Variants in ANKS1B observed in about 807,000 individuals in gnomAD.
ANKS1B encodes ankyrin repeat and sterile alpha motif domain containing 1B.
Under a neutral mutation model 148.3 loss-of-function variants are expected in ANKS1B, and 36 were observed. The ratio of observed to expected loss-of-function variants is 0.24; its 90% CI spans 0.19 to 0.32. The LOEUF (loss-of-function observed/expected upper bound fraction) is 0.32. Among genes scored for constraint, ANKS1B ranks in the 10% least tolerant of loss-of-function variants. The probability of loss-of-function intolerance (pLI) is 1.00; values close to 1 mark genes in which losing one functional copy is unlikely to be tolerated. For missense variants in ANKS1B, 1,157 were observed against 1,542.6 expected (o/e 0.75, Z 4.19); for synonymous variants, 542 against 560.8 (o/e 0.97, Z 0.47).
chr12:99,621,129 T>G (rs1181625424), intron 9 of ANKS1B, among the ~76,000 whole-genome samples: 1 of 152,088 alleles, frequency 6.6e-6, no homozygotes, highest in Non-Finnish European at 1.5e-5. Context: ...CAACCAAGAA[T>G]TTAATATCCT....
intron 17 of ANKS1B, among the ~76,000 whole-genome samples, chr12:98,890,732 G>A (rs924438993): frequency 3.3e-5 from 5 of 152,156 alleles, no homozygotes; most frequent in Admixed American, 6.5e-5. Flanking sequence ...CTTTGAAAAT[G>A]ACTGAATGCT....
chr12:99,587,397 C>T (rs781436145), intron 9 of ANKS1B, among the ~76,000 whole-genome samples: 11 of 152,084 alleles, frequency 7.2e-5, no homozygotes, highest in Non-Finnish European at 1.6e-4. Flanking sequence ...AATAGAAAGC[C>T]TAAGAAGTTT....
intron 13 of ANKS1B, 87 bp downstream of exon 13, chr12:99,246,188 A>G: frequency 9.8e-7 from 1 of 1,023,294 alleles, no homozygotes; most frequent in South Asian, 2.1e-5. Context: ...TTGCTTTTGA[A>G]AGAGCTAAAA....
chr12:99,579,708 T>C (rs1226742532), intron 9 of ANKS1B, among the ~76,000 whole-genome samples: 1 of 152,022 alleles, frequency 6.6e-6, no homozygotes, highest in South Asian at 2.1e-4. Flanking sequence ...GACAGATGCT[T>C]GCAAAGTTAC....
At chr12:99,397,521 A>G (rs1334699679) in intron 12 of ANKS1B, among the ~76,000 whole-genome samples, 1 of 152,132 alleles carries the variant, frequency 6.6e-6, no homozygotes, top group Non-Finnish European at 1.5e-5. Flanking sequence ...ATAAAAGAAA[A>G]CGGGATGATT....
intron 10 of ANKS1B, among the ~76,000 whole-genome samples, chr12:99,465,182 C>A (rs1365996640): frequency 1.3e-5 from 2 of 152,142 alleles, no homozygotes; most frequent in Non-Finnish European, 2.9e-5. Context: ...ATTTCATATC[C>A]AGCCAAACTA....
chr12:99,403,292 G>C lies in ANKS1B; in HGVS notation c.1576-3481C>G, dbSNP rs140247816. Among the ~76,000 whole-genome samples, 647 of 140,836 alleles carry C rather than the reference G, an allele frequency of 4.6e-3. 60 individuals carry two copies. The highest frequency in any genetic ancestry group is 8.4e-3 in the Non-Finnish European group (543 of 64,726). The allele number at this position is 140,836 out of a possible 152,430, so 92.4% of individuals were successfully genotyped here. The stretch of plus-strand genomic sequence containing the variant: ...GTGCCTCAGGGCCTCGAGTAGCTGG[G>C]ATTACAGGCAAGCATTACCATGTCT... On this transcript the variant is annotated intron_variant, in intron 11 of 26. Transcript: ENST00000683438.
At chr12:99,873,921 C>T (rs2091810858) in intron 1 of ANKS1B, among the ~76,000 whole-genome samples, 1 of 151,870 alleles carries the variant, frequency 6.6e-6, no homozygotes, top group African/African-American at 2.4e-5. Flanking sequence ...CCTGAGTCTC[C>T]TGCATGCTGG....
chr12:99,729,935 G>A (rs1238724139), intron 8 of ANKS1B, among the ~76,000 whole-genome samples: 1 of 152,168 alleles, frequency 6.6e-6, no homozygotes, highest in African/African-American at 2.4e-5. Context: ...AACTGAATAT[G>A]ACACAAATAT....
At chr12:99,217,016 C>CT (rs373400204) in intron 14 of ANKS1B, among the ~76,000 whole-genome samples, 29 of 152,180 alleles carry the variant, frequency 1.9e-4, no homozygotes, top group African/African-American at 6.7e-4. Context: ...AAGATGGAAG[C>CT]TGTGTGTTAA....
intron 1 of ANKS1B, among the ~76,000 whole-genome samples, chr12:99,894,816 A>G (rs1206387053): frequency 6.7e-6 from 1 of 149,832 alleles, no homozygotes; most frequent in Non-Finnish European, 1.5e-5. Flanking sequence ...TGGATATAAT[A>G]AATATCCAAC....
At chr12:98,940,588 A>C (rs1429851562) in intron 17 of ANKS1B, among the ~76,000 whole-genome samples, 1 of 152,158 alleles carries the variant, frequency 6.6e-6, no homozygotes, top group East Asian at 1.9e-4. Flanking sequence ...TTACTTGTGT[A>C]AATATTTATT....
rs115470958 is a variant in ANKS1B, at chr12:99,209,079, C to T, written c.2419+35263G>A. ...CTAAAGCATTGACTGGGATGTCATA[C>T]CTGAGAATGCACATAGAATGACTCT... On this transcript the variant is annotated intron_variant, in intron 14 of 26. Transcript: ENST00000683438. Among the ~76,000 whole-genome samples, 1,303 of 152,172 alleles carry T rather than the reference C, an allele frequency of 8.6e-3. 24 individuals are homozygous for T. Among genetic ancestry groups the T allele is most frequent in the African/African-American group, 0.03 (1,250 of 41,516 alleles).
At chr12:99,480,461 T>A (rs1295128705) in intron 10 of ANKS1B, among the ~76,000 whole-genome samples, 1 of 151,922 alleles carries the variant, frequency 6.6e-6, no homozygotes, top group African/African-American at 2.4e-5. Context: ...CATGTTGTGA[T>A]AGATACTAAT....
chr12:99,081,713 A>G (rs1305160548), intron 16 of ANKS1B, among the ~76,000 whole-genome samples: 1 of 152,184 alleles, frequency 6.6e-6, no homozygotes, highest in Non-Finnish European at 1.5e-5. Flanking sequence ...GATATTCTGT[A>G]TTAGAAATAA....
intron 1 of ANKS1B, among the ~76,000 whole-genome samples, chr12:99,962,791 A>G (rs1251387541): frequency 6.7e-6 from 1 of 150,326 alleles, no homozygotes; most frequent in Non-Finnish European, 1.5e-5. Context: ...GCATTTCTCT[A>G]ATGATCAGTG....
At chr12:98,804,769 A>G (rs759389358) in intron 20 of ANKS1B, among the ~76,000 whole-genome samples, 1 of 152,198 alleles carries the variant, frequency 6.6e-6, no homozygotes, top group Non-Finnish European at 1.5e-5. Context: ...CTCATACATA[A>G]AATCATTTTG....
intron 15 of ANKS1B, among the ~76,000 whole-genome samples, chr12:99,102,807 G>T (rs78225404): frequency 6.6e-6 from 1 of 152,194 alleles, no homozygotes; most frequent in African/African-American, 2.4e-5. Flanking sequence ...ACACTGTAGT[G>T]GTGGCCACCT....
intron 10 of ANKS1B, among the ~76,000 whole-genome samples, chr12:99,457,230 CA>C (rs2095861704): frequency 2.6e-5 from 4 of 151,990 alleles, no homozygotes; most frequent in Admixed American, 2.6e-4. Flanking sequence ...ACCAAGCCAT[CA>C]CTAAAAGAAT....
Sources: gnomAD v4.1 joint callset for allele counts (sites outside exome capture counted in the v4.1 genomes callset) on GRCh38, gnomAD v4.1.1 for gene constraint, MANE v1.5 for transcripts, NCBI Gene and HGNC (gene_info 2026-07-23, HGNC 2026-07-21) for gene names.